Variants in PLOD2 observed in about 807,000 individuals in gnomAD.
PLOD2 encodes the protein procollagen-lysine,2-oxoglutarate 5-dioxygenase 2, also known as lysine hydroxylase 2.
PLOD2 carries 65 observed loss-of-function variants against 101.0 expected under a neutral mutation model. The ratio of observed to expected loss-of-function variants is 0.64; its 90% confidence interval spans 0.53 to 0.79. The LOEUF (loss-of-function observed/expected upper bound fraction) is 0.79, where lower values mean the gene tolerates loss of function less well. PLOD2 is among the 30% of genes least tolerant of loss of function. The probability of loss-of-function intolerance (pLI) is 0.00; values close to 1 mark genes in which losing one functional copy is unlikely to be tolerated. For synonymous variants in PLOD2, 314 were observed against 302.9 expected (o/e 1.04, Z -0.38); for missense variants, 909 against 914.6 (o/e 0.99, Z 0.08).
intron 6 of PLOD2, 132 bp from the exon 7 acceptor site, chr3:146,102,984 T>G (rs1937444530): frequency 3.2e-6 from 2 of 616,592 alleles, no homozygotes; most frequent in Admixed American, 4.7e-5. Flanking sequence ...TTCCAAGTGC[T>G]ACAACACTTC....
intron 15 of PLOD2, among the ~76,000 whole-genome samples, chr3:146,075,667 C>A (rs1357155106): frequency 6.6e-6 from 1 of 151,528 alleles, no homozygotes; most frequent in Non-Finnish European, 1.5e-5. Context: ...CTAAACAAAA[C>A]TTTTTGAATT....
chr3:146,106,526 A>C lies in PLOD2; in HGVS notation c.615+6T>G. ...ATAAAACAAAAAAATTGCAGCTGTT[A>C]CACACCCTTTTCAGTGGATCAATGT... On this transcript the variant is annotated splice_donor_region_variant and intron_variant, in intron 5 of 19. Coordinates refer to ENST00000282903, the MANE Select transcript of PLOD2 (RefSeq NM_182943.3). 3 of 1,321,718 alleles carry C rather than the reference A, an allele frequency of 2.3e-6. No homozygotes were observed. Among genetic ancestry groups the C allele is most frequent in the Non-Finnish European group, 3.3e-6 (3 of 912,870 alleles). 81.9% of individuals were successfully genotyped at this position (1,321,718 alleles called of 1,614,324 possible).
At chr3:146,136,849 C>A (rs1253794036) in intron 1 of PLOD2, among the ~76,000 whole-genome samples, 1 of 152,180 alleles carries the variant, frequency 6.6e-6, no homozygotes, top group Admixed American at 6.6e-5. Flanking sequence ...TACATAGGTA[C>A]ACTCTATGAT....
chr3:146,134,573 G>A (rs2031120160), intron 1 of PLOD2, among the ~76,000 whole-genome samples: 1 of 152,176 alleles, frequency 6.6e-6, no homozygotes, highest in Admixed American at 6.5e-5. Flanking sequence ...CTGCCTGCCA[G>A]AAATCTGATA....
intron 1 of PLOD2, among the ~76,000 whole-genome samples, chr3:146,128,584 T>C (rs1237778173): frequency 6.6e-6 from 1 of 152,126 alleles, no homozygotes; most frequent in Non-Finnish European, 1.5e-5. Context: ...CTGTATATTT[T>C]GCTCTGTCTG....
At chr3:146,078,814 T>C (rs185263468) in intron 13 of PLOD2, among the ~76,000 whole-genome samples, 8 of 152,070 alleles carry the variant, frequency 5.3e-5, no homozygotes, top group African/African-American at 1.7e-4. Flanking sequence ...AATTTCAAAT[T>C]AAAGATGTAT....
chr3:146,109,915 A>G (rs188278109), intron 4 of PLOD2, among the ~76,000 whole-genome samples: 1 of 152,340 alleles, frequency 6.6e-6, no homozygotes, highest in East Asian at 1.9e-4. Flanking sequence ...CGGACTGAGA[A>G]TAATTTTTTT....
intron 3 of PLOD2, among the ~76,000 whole-genome samples, chr3:146,114,254 C>T (rs62272368): frequency 2.7e-5 from 1 of 37,656 alleles, no homozygotes; most frequent in Non-Finnish European, 5.5e-5. Flanking sequence ...CCTCTGTGTG[C>T]CTCTGTGACC....
chr3:146,097,487 C>A (rs1263516736), intron 7 of PLOD2, among the ~76,000 whole-genome samples: 14 of 110,414 alleles, frequency 1.3e-4, no homozygotes, highest in Non-Finnish European at 2.4e-4. Flanking sequence ...TCCTGTTGAT[C>A]TGTGACCTTA....
Position 146,124,121 on chromosome 3 carries a change from T to A in PLOD2, c.201+17A>T, listed in dbSNP as rs1304684946. On this transcript the variant is annotated intron_variant, in intron 2 of 19. Transcript: ENST00000282903. The stretch of plus-strand genomic sequence containing the variant: ...CACACATTATAGGATCTTCATAGGT[T>A]AAAGGATATACCATACCTTCACAGT... The A allele has an allele frequency of 7.7e-7, 1 of 1,300,456 alleles. No homozygotes were observed. The highest frequency in any genetic ancestry group is 1.1e-6 in the Non-Finnish European group (1 of 895,436). 80.6% of individuals were successfully genotyped at this position (1,300,456 alleles called of 1,614,324 possible).
chr3:146,077,692 A>G, intron 14 of PLOD2, 170 bp downstream of exon 14: 1 of 543,450 alleles, frequency 1.8e-6, no homozygotes, highest in Non-Finnish European at 3.2e-6. Context: ...CTATCACACA[A>G]GACCCATGCC....
intron 1 of PLOD2, among the ~76,000 whole-genome samples, chr3:146,152,182 G>A (rs1220782827): frequency 2.6e-5 from 4 of 152,198 alleles, no homozygotes; most frequent in South Asian, 4.1e-4. Flanking sequence ...ACTTTGGGAG[G>A]CTGAGGCAGG....
At chr3:146,079,962 TCA>T (rs1395977473) in intron 12 of PLOD2, among the ~76,000 whole-genome samples, 2 of 152,042 alleles carry the variant, frequency 1.3e-5, no homozygotes, top group Non-Finnish European at 2.9e-5. Flanking sequence ...ATCTATATTC[TCA>T]CTCTGAACAT....
At chr3:146,155,328 T>TG (rs2108148062) in intron 1 of PLOD2, among the ~76,000 whole-genome samples, 2 of 145,666 alleles carry the variant, frequency 1.4e-5, no homozygotes, top group Admixed American at 1.4e-4. Context: ...TGTCTATAAA[T>TG]AAATTAATTA....
chr3:146,106,168 C>A (rs913002497), intron 5 of PLOD2, among the ~76,000 whole-genome samples: 2 of 152,110 alleles, frequency 1.3e-5, no homozygotes, highest in Non-Finnish European at 2.9e-5. Context: ...GAGGTAGGGC[C>A]ATGACAGTGG....
intron 7 of PLOD2, among the ~76,000 whole-genome samples, chr3:146,099,004 T>C (rs1436230690): frequency 6.6e-6 from 1 of 152,172 alleles, no homozygotes; most frequent in African/African-American, 2.4e-5. Flanking sequence ...AATGTTTACA[T>C]ATTCAAATTT....
intron 7 of PLOD2, among the ~76,000 whole-genome samples, chr3:146,101,458 G>A (rs574522571): frequency 6.6e-6 from 1 of 152,304 alleles, no homozygotes; most frequent in African/African-American, 2.4e-5. Context: ...TGGAAGCAAA[G>A]GGAAGGAGCA....
chr3:146,086,591 A>C, intron 10 of PLOD2, 196 bp downstream of exon 10: 1 of 345,992 alleles, frequency 2.9e-6, no homozygotes, highest in South Asian at 7.6e-5. Context: ...TTAAAAGAAA[A>C]ACATAAGTAA....
Position 146,091,874 on chromosome 3 carries a change from C to A in PLOD2, c.805G>T (p.Val269Leu). The A allele has an allele frequency of 6.2e-7, 1 of 1,600,246 alleles. No homozygotes were observed. Among genetic ancestry groups the A allele is most frequent in the African/African-American group, 1.3e-5 (1 of 74,670 alleles). The change falls in exon 8 of 20, where the codon GTA becomes TTA. Residue 269 changes from valine (V) to leucine (L), a missense_variant. Val to Leu is a conservative substitution (Grantham distance 32). Transcript: ENST00000282903. ...TTATCCTGTGTCCATGAATTGGGTA[C>A]ATAGTTTCCAAAATAATTCAGGAGA... ...KILLNYFGNY[V>L]PNSWTQDNGC... is the part of the protein sequence containing the mutation.
Sources: gnomAD v4.1 joint callset for allele counts (sites outside exome capture counted in the v4.1 genomes callset) on GRCh38, gnomAD v4.1.1 for gene constraint, MANE v1.5 for transcripts, NCBI Gene and HGNC (gene_info 2026-07-23, HGNC 2026-07-21) for gene names.